Variants in MYO6 observed in about 807,000 individuals in gnomAD.
MYO6 encodes myosin VI, also known as unconventional myosin-VI.
In MYO6, 74 loss-of-function variants were observed where a neutral mutation model predicts 178.7. The ratio of observed to expected loss-of-function variants is 0.41; its 90% confidence interval spans 0.34 to 0.50. The LOEUF (loss-of-function observed/expected upper bound fraction) is 0.50. Among genes scored for constraint, MYO6 ranks in the 20% least tolerant of loss-of-function variants. MYO6 has a pLI of 0.09. For missense variants in MYO6, 1,330 were observed against 1,547.4 expected (o/e 0.86, Z 2.36); for synonymous variants, 477 against 504.6 (o/e 0.95, Z 0.73).
chr6:75,881,860 C>A, intron 23 of MYO6, 42 bp downstream of exon 23: 2 of 1,609,186 alleles, frequency 1.2e-6, no homozygotes, highest in South Asian at 1.1e-5. Context: ...TTCATTGTTT[C>A]AAGATGGTTT....
At chr6:75,811,244 C>T (rs79483787) in intron 1 of MYO6, among the ~76,000 whole-genome samples, 1 of 152,026 alleles carries the variant, frequency 6.6e-6, no homozygotes, top group Admixed American at 6.6e-5. Flanking sequence ...TGTTCTGGAA[C>T]CTTGTACTGA....
At chr6:75,786,633 A>G (rs1212004325) in intron 1 of MYO6, among the ~76,000 whole-genome samples, 4 of 152,104 alleles carry the variant, frequency 2.6e-5, no homozygotes, top group African/African-American at 9.7e-5. Context: ...TCTTAATTTC[A>G]TATTTCCAGA....
chr6:75,830,487 A>G lies in MYO6; in HGVS notation c.333A>G (p.Ala111=). ...TACCTAAAATATATTCTTCAGAAGC[A>G]ATAAAGTCATATCAAGGAAAATCTC... ...FDIPKIYSSE[A]IKSYQGKSLG... Residue 111 remains alanine, a synonymous_variant, in exon 5 of 35, where the codon GCA becomes GCG. Transcript: ENST00000369977. The G allele has an allele frequency of 1.2e-6, 2 of 1,612,464 alleles. No individual in the cohort carries two copies. The highest frequency in any genetic ancestry group is 1.7e-5 in the Admixed American group (1 of 60,022).
At chr6:75,911,816 T>G (rs1263820213) in intron 33 of MYO6, 118 bp downstream of exon 33, 1 of 934,110 alleles carries the variant, frequency 1.1e-6, no homozygotes, top group South Asian at 1.4e-5. Flanking sequence ...TGTAGTGTGT[T>G]AAAGTTGTTA....
intron 25 of MYO6, among the ~76,000 whole-genome samples, chr6:75,888,223 A>C (rs759910637): frequency 1.3e-5 from 2 of 152,146 alleles, no homozygotes; most frequent in South Asian, 2.1e-4. Flanking sequence ...CAGAGGTTGC[A>C]GTGAGCCAAG....
intron 1 of MYO6, among the ~76,000 whole-genome samples, chr6:75,751,907 C>A (rs1776931433): frequency 6.6e-6 from 1 of 152,006 alleles, no homozygotes; most frequent in African/African-American, 2.4e-5. Flanking sequence ...AGTTTACTAA[C>A]CTCTGTGTAG....
rs1777280671 is a variant in MYO6 at position 75,873,132 on chromosome 6, G to A, written c.1984-75G>A. ...ATGTTAATGTTAATATGCTTTGAAA[G>A]TTGCAGGTATTCATAGAAACAGAAA... is the stretch of plus-strand genomic sequence containing the variant. On this transcript the variant is annotated intron_variant, in intron 19 of 34. Coordinates refer to ENST00000369977, the MANE Select transcript of MYO6 (RefSeq NM_004999.4). The A allele has an allele frequency of 5.4e-6, 6 of 1,109,294 alleles. No homozygotes were observed. In the East Asian group the frequency reaches 1.2e-4, roughly 22 times the overall value. The allele number at this position is 1,109,294 out of a possible 1,614,324, so 68.7% of individuals were successfully genotyped here. A position where few individuals can be genotyped will look rare whatever the true frequency, so the allele number is the denominator to read the frequency against.
chr6:75,906,767 T>G (rs1017708807), intron 30 of MYO6, among the ~76,000 whole-genome samples: 1 of 152,166 alleles, frequency 6.6e-6, no homozygotes, highest in African/African-American at 2.4e-5. Flanking sequence ...AAAGTTGAAT[T>G]TATTTCATTT....
At chr6:75,808,102 C>T (rs1770282760) in intron 1 of MYO6, among the ~76,000 whole-genome samples, 1 of 152,162 alleles carries the variant, frequency 6.6e-6, no homozygotes, top group South Asian at 2.1e-4. Flanking sequence ...GTTAAAACAG[C>T]AAGGAATACT....
intron 8 of MYO6, 26 bp downstream of exon 8, chr6:75,840,708 A>G (rs765021302): frequency 1.3e-6 from 2 of 1,551,310 alleles, no homozygotes; most frequent in Non-Finnish European, 1.8e-6. Context: ...CTTTGGAATG[A>G]TATTTTTGGG....
intron 11 of MYO6, among the ~76,000 whole-genome samples, chr6:75,853,291 T>C (rs890198146): frequency 6.6e-6 from 1 of 152,186 alleles, no homozygotes; most frequent in Admixed American, 6.5e-5. Context: ...TATGTTATCT[T>C]TTTACTCATT....
At chr6:75,835,843 T>C (rs1773591747) in intron 6 of MYO6, 58 bp from the exon 7 acceptor site, 1 of 984,204 alleles carries the variant, frequency 1.0e-6, no homozygotes, top group Admixed American at 1.7e-5. Context: ...TAGATAATTA[T>C]AAATTATTGT....
At chr6:75,866,730 TTAAG>T in intron 17 of MYO6, 109 bp downstream of exon 17, 8 of 1,159,978 alleles carry the variant, frequency 6.9e-6, no homozygotes, top group Non-Finnish European at 1.0e-5. Flanking sequence ...GTTATTTAAA[TTAAG>T]TAAAATTACA....
At chr6:75,879,982 G>C in intron 21 of MYO6, 32 bp downstream of exon 21, 1 of 1,613,770 alleles carries the variant, frequency 6.2e-7, no homozygotes, top group Non-Finnish European at 8.5e-7. Context: ...AAATTTCTTA[G>C]CTATGAACTT....
At chr6:75,867,931 A>C (rs905608505) in intron 18 of MYO6, among the ~76,000 whole-genome samples, 8 of 152,306 alleles carry the variant, frequency 5.3e-5, no homozygotes, top group African/African-American at 1.9e-4. Context: ...TATAGTATGT[A>C]GAACAAAAAA....
intron 1 of MYO6, among the ~76,000 whole-genome samples, chr6:75,764,724 T>G (rs13205073): frequency 0.13 from 19,348 of 152,006 alleles, 1,301 homozygotes; most frequent in Non-Finnish European, 0.15. Flanking sequence ...TATTAGAAAT[T>G]TAAAAATGAT....
chr6:75,914,420 TC>T, intron 34 of MYO6, 139 bp downstream of exon 34: 1 of 888,182 alleles, frequency 1.1e-6, no homozygotes. Flanking sequence ...AAATCACATT[TC>T]CAGTTCAGTG....
chr6:75,796,856 GTTAA>G (rs1166661313), intron 1 of MYO6, among the ~76,000 whole-genome samples: 4 of 152,044 alleles, frequency 2.6e-5, no homozygotes, highest in Admixed American at 1.3e-4. Flanking sequence ...CTGTTCCTGT[GTTAA>G]TTTCACTTGG....
intron 11 of MYO6, among the ~76,000 whole-genome samples, chr6:75,849,529 G>A (rs1313613763): frequency 6.6e-6 from 1 of 152,148 alleles, no homozygotes. Context: ...TAATGCTAAA[G>A]GTTCTTGCCT....
Sources: allele counts gnomAD v4.1 joint callset (sites outside exome capture counted in the v4.1 genomes callset), GRCh38; gene constraint gnomAD v4.1.1; transcripts MANE v1.5; gene names NCBI Gene and HGNC (gene_info 2026-07-23, HGNC 2026-07-21).